The following GSN variants were observed in gnomAD, a reference collection of about 807,000 sequenced individuals.
The protein encoded by GSN is gelsolin.
GSN carries 56 observed loss-of-function variants against 85.7 expected under a neutral mutation model. The observed-to-expected ratio is 0.65, with a 90% CI of 0.53 to 0.82. GSN has a LOEUF of 0.82. Among genes scored for constraint, GSN ranks in the 40% least tolerant of loss-of-function variants. GSN has a pLI of 0.00. For missense variants in GSN, 857 were observed against 979.8 expected, an observed-to-expected ratio of 0.87 and a Z score of 1.67; for synonymous variants, 373 against 399.1, an observed-to-expected ratio of 0.93 and a Z score of 0.78.
chr9:121,221,946 A>T (rs1441452071), intron 4 of GSN, among the ~76,000 whole-genome samples: 1 of 152,186 alleles, frequency 6.6e-6, no homozygotes, highest in Non-Finnish European at 1.5e-5. Flanking sequence ...CCTGCTTCTT[A>T]AGGGGTCTCC....
At chr9:121,324,902 G>A (rs2062968083) in intron 12 of GSN, among the ~76,000 whole-genome samples, 1 of 152,198 alleles carries the variant, frequency 6.6e-6, no homozygotes, top group South Asian at 2.1e-4. Context: ...GTCTTGGGTG[G>A]TAGTAGACAT....
chr9:121,327,601 C>T, intron 14 of GSN, 119 bp downstream of exon 14: 1 of 782,334 alleles, frequency 1.3e-6, no homozygotes. Context: ...GGCCTGTCCC[C>T]TAATGTATGT....
At chr9:121,265,988 TATC>T (rs2055189960), upstream of GSN, among the ~76,000 whole-genome samples, 1 of 152,182 alleles carries the variant, frequency 6.6e-6, no homozygotes, top group Admixed American at 6.5e-5. Flanking sequence ...AAGTATTGGT[TATC>T]ATCATCACAA....
At chr9:121,324,704 ATCTG>A (rs1281691084) in intron 12 of GSN, 60 bp downstream of exon 12, 21 of 816,908 alleles carry the variant, frequency 2.6e-5, no homozygotes, top group Non-Finnish European at 3.7e-5. Context: ...CTCTTCACTC[ATCTG>A]TCTGACTCTC....
intron 2 of GSN, among the ~76,000 whole-genome samples, chr9:121,286,976 G>A (rs1265565279): frequency 6.6e-6 from 1 of 152,188 alleles, no homozygotes; most frequent in Non-Finnish European, 1.5e-5. Context: ...GCTTCTATGA[G>A]CATAGGAGGT....
chr9:121,283,066 C>T (rs1015323612), intron 2 of GSN: 2 of 167,388 alleles, frequency 1.2e-5, no homozygotes, highest in Admixed American at 6.5e-5. Flanking sequence ...CTCCATGTGC[C>T]AGTCTCTAGT....
intron 4 of GSN, among the ~76,000 whole-genome samples, chr9:121,223,520 A>G (rs963643968): frequency 5.3e-5 from 8 of 152,286 alleles, no homozygotes; most frequent in Middle Eastern, 3.4e-3. Flanking sequence ...ACCAAAGTAT[A>G]TATCATGGTT....
chr9:121,260,858 G>T (rs1162803148), intron 6 of GSN, among the ~76,000 whole-genome samples: 2 of 152,232 alleles, frequency 1.3e-5, no homozygotes, highest in African/African-American at 2.4e-5. Flanking sequence ...AGAACAGGGA[G>T]AAGGGAATGT....
intron 13 of GSN, 192 bp downstream of exon 13, chr9:121,326,874 G>A (rs1164530115): frequency 1.3e-6 from 1 of 751,798 alleles, no homozygotes; most frequent in Non-Finnish European, 2.5e-6. Context: ...AGGATACCCA[G>A]TGTCCCTTGC....
chr9:121,238,922 T>C (rs1263907012), intron 5 of GSN: 1 of 537,436 alleles, frequency 1.9e-6, no homozygotes, highest in East Asian at 5.4e-5. Context: ...TTCCTGGTCA[T>C]CCCTTCTCCA....
intron 5 of GSN, chr9:121,239,031 T>TC: frequency 2.1e-6 from 1 of 481,978 alleles, no homozygotes; most frequent in Non-Finnish European, 4.1e-6. Context: ...TCTGTCCCAG[T>TC]CAGTTCAGAG....
chr9:121,233,379 C>T (rs1025900167), intron 5 of GSN, among the ~76,000 whole-genome samples: 4 of 152,128 alleles, frequency 2.6e-5, no homozygotes, highest in Non-Finnish European at 4.4e-5. Flanking sequence ...GCAGGAGAAT[C>T]TCTTGAACCC....
chr9:121,251,685 G>A (rs1488677847), intron 6 of GSN, among the ~76,000 whole-genome samples: 1 of 152,102 alleles, frequency 6.6e-6, no homozygotes, highest in Non-Finnish European at 1.5e-5. Context: ...ATGGCCAGGC[G>A]CGATGGCTCA....
intron 10 of GSN, among the ~76,000 whole-genome samples, chr9:121,319,568 C>T (rs1237840468): frequency 6.6e-6 from 1 of 151,832 alleles, no homozygotes; most frequent in East Asian, 1.9e-4. Flanking sequence ...AGCAATCCTC[C>T]TGCCTCGGCC....
chr9:121,277,477 A>C (rs189453075), intron 1 of GSN, among the ~76,000 whole-genome samples: 27 of 152,276 alleles, frequency 1.8e-4, no homozygotes, highest in East Asian at 3.9e-4. Context: ...TTAGTGTAGA[A>C]TCAATACTTA....
intron 13 of GSN, 166 bp from the exon 14 acceptor site, chr9:121,327,142 C>A: frequency 1.3e-6 from 1 of 763,842 alleles, no homozygotes; most frequent in Non-Finnish European, 2.4e-6. Flanking sequence ...TCATGGGAGT[C>A]AACCAAGGCC....
At chr9:121,225,164 G>A (rs1052825718) in intron 4 of GSN, among the ~76,000 whole-genome samples, 2 of 152,178 alleles carry the variant, frequency 1.3e-5, no homozygotes, top group Non-Finnish European at 2.9e-5. Flanking sequence ...GAGTAAGTTA[G>A]TTCTGTAGTT....
chr9:121,316,544 C>T (rs1461091419), intron 7 of GSN, among the ~76,000 whole-genome samples: 1 of 152,130 alleles, frequency 6.6e-6, no homozygotes, highest in East Asian at 1.9e-4. Flanking sequence ...AATCATAGCT[C>T]ACTATAGCCC....
intron 4 of GSN, among the ~76,000 whole-genome samples, chr9:121,229,450 C>G (rs1189613034): frequency 1.3e-5 from 2 of 152,080 alleles, no homozygotes; most frequent in Non-Finnish European, 2.9e-5. Flanking sequence ...AAACTTCTGA[C>G]CTCAGGTGAT....
Sources: gnomAD v4.1 joint callset for allele counts (sites outside exome capture counted in the v4.1 genomes callset) on GRCh38, gnomAD v4.1.1 for gene constraint, MANE v1.5 for transcripts, NCBI Gene and HGNC (gene_info 2026-07-23, HGNC 2026-07-21) for gene names.